PRICKLE2: variants seen among roughly 807,000 people sequenced by gnomAD.
PRICKLE2 encodes the protein prickle-like protein 2.
A neutral mutation model predicts 81.4 loss-of-function variants in PRICKLE2; 21 were observed. That is an observed-to-expected ratio of 0.26 (90% CI 0.18 to 0.37). The LOEUF (loss-of-function observed/expected upper bound fraction) is 0.37, where lower values mean the gene tolerates loss of function less well. PRICKLE2 is among the 10% of genes least tolerant of loss of function. The pLI is 1.00. For missense variants in PRICKLE2, 940 were observed against 1,109.0 expected, an observed-to-expected ratio of 0.85 and a Z score of 2.16; for synonymous variants, 456 against 421.5, an observed-to-expected ratio of 1.08 and a Z score of -1.00.
intron 2 of PRICKLE2, among the ~76,000 whole-genome samples, chr3:64,198,072 G>A (rs2078492350): frequency 6.6e-6 from 1 of 151,658 alleles, no homozygotes; most frequent in Non-Finnish European, 1.5e-5. Context: ...ATTAGCCAGG[G>A]GTGGTGGCGG....
intron 1 of PRICKLE2, among the ~76,000 whole-genome samples, chr3:64,212,898 A>T (rs1267437278): frequency 6.6e-6 from 1 of 152,172 alleles, no homozygotes; most frequent in Non-Finnish European, 1.5e-5. Context: ...GAAAGAGATC[A>T]ATGGAAAACA....
intron 7 of PRICKLE2, among the ~76,000 whole-genome samples, chr3:64,113,637 G>T (rs185265550): frequency 2.0e-5 from 3 of 152,134 alleles, no homozygotes; most frequent in Admixed American, 6.5e-5. Flanking sequence ...GCACACTGGA[G>T]TGTAGTCTGC....
intron 7 of PRICKLE2, among the ~76,000 whole-genome samples, chr3:64,133,828 G>C (rs1235055013): frequency 6.6e-6 from 1 of 152,124 alleles, no homozygotes; most frequent in Non-Finnish European, 1.5e-5. Flanking sequence ...CCCCAGTTAC[G>C]GGGGTCAACA....
chr3:64,259,045 T>A (rs2079578193), intron 2 of PRICKLE2, among the ~76,000 whole-genome samples: 1 of 152,072 alleles, frequency 6.6e-6, no homozygotes, highest in African/African-American at 2.4e-5. Context: ...AAGTTCACTC[T>A]CCTATATGGA....
intron 2 of PRICKLE2, among the ~76,000 whole-genome samples, chr3:64,241,626 G>A (rs945367155): frequency 6.6e-6 from 1 of 152,130 alleles, no homozygotes; most frequent in African/African-American, 2.4e-5. Context: ...TAGAATTCAG[G>A]GATGAGGGCC....
chr3:64,227,802 G>T (rs1018981967), upstream of PRICKLE2, among the ~76,000 whole-genome samples: 4 of 152,116 alleles, frequency 2.6e-5, no homozygotes, highest in African/African-American at 7.2e-5. Flanking sequence ...GTTAGCTATT[G>T]GTAATATTAA....
intron 7 of PRICKLE2, chr3:64,103,277 A>G (rs1272512356): frequency 2.6e-5 from 4 of 152,342 alleles, no homozygotes; most frequent in Non-Finnish European, 1.5e-5. Flanking sequence ...TACAGTGTGA[A>G]GGATGGCTTC....
At chr3:64,198,762 A>G (rs756370412) in intron 2 of PRICKLE2, 22 bp downstream of exon 2, 8 of 1,613,302 alleles carry the variant, frequency 5.0e-6, no homozygotes, top group Non-Finnish European at 6.8e-6. Flanking sequence ...AACCACCAGC[A>G]TGCTCCCATC....
chr3:64,260,106 T>A (rs937969639), intron 2 of PRICKLE2, among the ~76,000 whole-genome samples: 12 of 152,184 alleles, frequency 7.9e-5, no homozygotes, highest in African/African-American at 2.7e-4. Flanking sequence ...TCAGGCCCTA[T>A]GTCATGCTTA....
rs200924528 is a variant in PRICKLE2, at chr3:64,144,566, G to A, written c.1660+2264C>T. On this transcript the variant is annotated intron_variant, in intron 7 of 7. Transcript: ENST00000638394. ...TCACAGTCTCTATCCAGACACCATCGGCTATGGAATCCTTGCTGTAAGGGG... is the reference window on the plus strand; with the variant it reads ...TCACAGTCTCTATCCAGACACCATCAGCTATGGAATCCTTGCTGTAAGGGG... Among the ~76,000 whole-genome samples, 10 of 152,312 alleles carry A rather than the reference G, an allele frequency of 6.6e-5. No homozygotes were observed. The East Asian group carries it at 1.9e-3, about 29-fold the overall frequency.
intron 7 of PRICKLE2, among the ~76,000 whole-genome samples, chr3:64,138,513 G>C (rs1054067185): frequency 6.6e-6 from 1 of 152,226 alleles, no homozygotes; most frequent in Admixed American, 6.5e-5. Flanking sequence ...TGAGACTGAA[G>C]CCAGTGTACA....
chr3:64,262,003 T>A (rs927016492), intron 2 of PRICKLE2, among the ~76,000 whole-genome samples: 2 of 152,204 alleles, frequency 1.3e-5, no homozygotes, highest in Admixed American at 1.3e-4. Flanking sequence ...GTTTGAGATA[T>A]GTATCTTTTC....
chr3:64,116,852 C>T (rs2076942571), intron 7 of PRICKLE2, among the ~76,000 whole-genome samples: 1 of 152,084 alleles, frequency 6.6e-6, no homozygotes, highest in Admixed American at 6.5e-5. Context: ...TCTATGAGGC[C>T]AGCATCATCC....
At chr3:64,239,167 G>A (rs910368065) in intron 2 of PRICKLE2, among the ~76,000 whole-genome samples, 1 of 152,074 alleles carries the variant, frequency 6.6e-6, no homozygotes, top group East Asian at 1.9e-4. Context: ...ACCACAGGGC[G>A]AGGTAGCAGC....
intron 7 of PRICKLE2, among the ~76,000 whole-genome samples, chr3:64,142,400 T>C (rs536944323): frequency 4.0e-5 from 6 of 150,026 alleles, no homozygotes; most frequent in Admixed American, 3.4e-4. Context: ...AACCTCCGCC[T>C]CCTGGGTTCA....
intron 7 of PRICKLE2, chr3:64,105,685 A>C (rs1167683260): frequency 6.6e-6 from 1 of 152,202 alleles, no homozygotes; most frequent in East Asian, 1.9e-4. Flanking sequence ...TTTTCTCCTT[A>C]CTAATCACAG....
intron 2 of PRICKLE2, among the ~76,000 whole-genome samples, chr3:64,179,408 C>T (rs1255829646): frequency 2.0e-5 from 3 of 152,116 alleles, no homozygotes; most frequent in African/African-American, 7.2e-5. Context: ...AAGCACATCA[C>T]AGCCTTCTTG....
chr3:64,140,998 C>T (rs929024020), intron 7 of PRICKLE2, among the ~76,000 whole-genome samples: 4 of 152,156 alleles, frequency 2.6e-5, no homozygotes, highest in Admixed American at 2.0e-4. Context: ...GGATCAAGTC[C>T]TCGCCATCTG....
intron 2 of PRICKLE2, among the ~76,000 whole-genome samples, chr3:64,195,337 T>G (rs2078432311): frequency 6.6e-6 from 1 of 152,224 alleles, no homozygotes; most frequent in Non-Finnish European, 1.5e-5. Flanking sequence ...AACACTTCCC[T>G]AAAAGGGAGG....
Sources: allele counts gnomAD v4.1 joint callset (sites outside exome capture counted in the v4.1 genomes callset), GRCh38; gene constraint gnomAD v4.1.1; transcripts MANE v1.5; gene names NCBI Gene and HGNC (gene_info 2026-07-23, HGNC 2026-07-21).